SLC22A23: variants seen among roughly 807,000 people sequenced by gnomAD.
SLC22A23 encodes solute carrier family 22 member 23.
A neutral mutation model predicts 61.0 loss-of-function variants in SLC22A23; 26 were observed. That is an observed-to-expected ratio of 0.43 (90% confidence interval 0.31 to 0.59). The LOEUF (loss-of-function observed/expected upper bound fraction) is 0.59, where lower values mean the gene tolerates loss of function less well. SLC22A23 is among the 20% of genes least tolerant of loss of function. The probability of loss-of-function intolerance (pLI) is 0.11; values close to 1 mark genes in which losing one functional copy is unlikely to be tolerated. For missense variants in SLC22A23, 796 were observed against 934.7 expected (o/e 0.85, Z 1.94); for synonymous variants, 430 against 413.9 (o/e 1.04, Z -0.47).
At chr6:3,290,241 G>C (rs1760455928) in intron 5 of SLC22A23, 4 of 317,542 alleles carry the variant, frequency 1.3e-5, no homozygotes, top group South Asian at 1.1e-4. Flanking sequence ...GCACTCATTA[G>C]GCCCTGGGCA....
At chr6:3,320,931 A>G (rs1296616693) in intron 4 of SLC22A23, among the ~76,000 whole-genome samples, 1 of 152,222 alleles carries the variant, frequency 6.6e-6, no homozygotes, top group East Asian at 1.9e-4. Context: ...TATGATTATC[A>G]TGGCAGTTAA....
rs781526188 is a variant in SLC22A23 at position 3,280,512 on chromosome 6, T to TTTTTTTTTTTTTTTTC, written c.1703+3339_1703+3340insGAAAAAAAAAAAAAAA. Among the ~76,000 whole-genome samples, 17 of 98,324 alleles carry TTTTTTTTTTTTTTTTC rather than the reference T, an allele frequency of 1.7e-4. 1 individual carries two copies. The highest frequency in any genetic ancestry group is 6.1e-4 in the African/African-American group (17 of 28,090). The allele number at this position is 98,324 out of a possible 152,430, so 64.5% of individuals were successfully genotyped here. On this transcript the variant is annotated intron_variant, in intron 9 of 9. Transcript: ENST00000406686. Reference sequence around the variant, plus strand: ...CAACTTTTTTTTTTTTTTTTTTTTTTTGAGATGGAGTCTCGCTCTGTCGCC... The same window carrying TTTTTTTTTTTTTTTTC: ...CAACTTTTTTTTTTTTTTTTTTTTTTTTTTTTTTTTTTTTTCTGAGATGGAGTCTCGCTCTGTCGCC...
Position 3,270,598 on chromosome 6 carries a change from TCA to T in SLC22A23, c.*2455_*2456del, listed in dbSNP as rs1180234327. On this transcript the variant is annotated 3_prime_UTR_variant, in exon 10 of 10. Transcript: ENST00000406686. ...CCTGCCGACCGTCGGCAAGTCAGCC[TCA>T]CACCCACTGGACTCTGCTCCCAAGA... 1 of 152,334 alleles carries T rather than the reference TCA, an allele frequency of 6.6e-6. No individual in the cohort carries two copies. The highest frequency in any genetic ancestry group is 1.5e-5 in the Non-Finnish European group (1 of 68,048). 9.4% of individuals were successfully genotyped at this position (152,334 alleles called of 1,614,324 possible).
chr6:3,353,577 T>C (rs764798548), intron 3 of SLC22A23, among the ~76,000 whole-genome samples: 22 of 152,170 alleles, frequency 1.4e-4, no homozygotes, highest in Admixed American at 2.0e-4. Flanking sequence ...ACAGTTCAGC[T>C]GCAAATCACA....
chr6:3,397,788 A>G (rs1342410503), intron 3 of SLC22A23, among the ~76,000 whole-genome samples: 3 of 152,186 alleles, frequency 2.0e-5, no homozygotes, highest in Non-Finnish European at 4.4e-5. Flanking sequence ...GGAGGTCTCA[A>G]GCCAAGATTC....
rs1371106293 is a variant in SLC22A23 at position 3,333,004 on chromosome 6, G to C, written c.914-9002C>G. Among the ~76,000 whole-genome samples the C allele has an allele frequency of 6.6e-6, 1 of 152,198 alleles. No individual in the cohort carries two copies. The highest frequency in any genetic ancestry group is 1.5e-5 in the Non-Finnish European group (1 of 68,038). ...GAGACCCAGGTTCAGGTTTTTGGAA[G>C]AGCGTATCGCAGCTGGTGCCTGTGC... On this transcript the variant is annotated intron_variant, in intron 3 of 9. Coordinates refer to ENST00000406686, the MANE Select transcript of SLC22A23 (RefSeq NM_015482.2). The surrounding 1 kb of genome is among the most constrained non-coding windows in gnomAD (Gnocchi z 4.1).
At chr6:3,279,644 AC>A (rs1759251793) in intron 9 of SLC22A23, among the ~76,000 whole-genome samples, 1 of 150,224 alleles carries the variant, frequency 6.7e-6, no homozygotes, top group African/African-American at 2.4e-5. Flanking sequence ...AGAGATTGTT[AC>A]ATCCTTGGTT....
intron 1 of SLC22A23, among the ~76,000 whole-genome samples, chr6:3,424,869 T>A (rs1770385273): frequency 6.6e-6 from 1 of 152,220 alleles, no homozygotes; most frequent in East Asian, 1.9e-4. Flanking sequence ...GTGGCCCTTT[T>A]TAGAAAAATT....
intron 3 of SLC22A23, among the ~76,000 whole-genome samples, chr6:3,370,367 G>A (rs1766132636): frequency 6.6e-6 from 1 of 152,288 alleles, no homozygotes; most frequent in Non-Finnish European, 1.5e-5. Context: ...GGGGGTGCAT[G>A]TGCCTTCCAA....
intron 3 of SLC22A23, among the ~76,000 whole-genome samples, chr6:3,406,794 C>T (rs146207452): frequency 1.3e-5 from 2 of 151,968 alleles, no homozygotes; most frequent in South Asian, 2.1e-4. Context: ...CTCCCTTTGG[C>T]GACTTGAGGG....
intron 1 of SLC22A23, among the ~76,000 whole-genome samples, chr6:3,451,242 G>A (rs1022075233): frequency 2.0e-5 from 3 of 152,222 alleles, no homozygotes; most frequent in Non-Finnish European, 4.4e-5. Flanking sequence ...CTGTCGCCCG[G>A]ACTGGAGTGC....
At chr6:3,439,254 G>A in intron 1 of SLC22A23, 2 of 417,806 alleles carry the variant, frequency 4.8e-6, no homozygotes, top group Non-Finnish European at 9.4e-6. Context: ...CGACAAAAAT[G>A]TCTCCAGACA....
At chr6:3,368,671 C>G (rs1486443478) in intron 3 of SLC22A23, among the ~76,000 whole-genome samples, 1 of 152,102 alleles carries the variant, frequency 6.6e-6, no homozygotes, top group Non-Finnish European at 1.5e-5. Flanking sequence ...AAGTTATGCA[C>G]ACACACACAC....
intron 9 of SLC22A23, among the ~76,000 whole-genome samples, chr6:3,281,569 G>T (rs1759476643): frequency 6.6e-6 from 1 of 152,118 alleles, no homozygotes; most frequent in Non-Finnish European, 1.5e-5. Context: ...GTGTCACAGG[G>T]AAAGGCTAGT....
At chr6:3,303,415 A>G (rs1317815407) in intron 4 of SLC22A23, 1 of 152,280 alleles carries the variant, frequency 6.6e-6, no homozygotes, top group African/African-American at 2.4e-5. Context: ...TTATTGCAGC[A>G]TTATTTGCAA....
chr6:3,301,225 C>T (rs924954460), intron 4 of SLC22A23, among the ~76,000 whole-genome samples: 68 of 152,132 alleles, frequency 4.5e-4, no homozygotes, highest in Middle Eastern at 6.8e-3. Context: ...CTTTCTGATG[C>T]GTTTGGGTTT....
chr6:3,397,016 C>A (rs971804933), intron 3 of SLC22A23, among the ~76,000 whole-genome samples: 22 of 152,166 alleles, frequency 1.4e-4, no homozygotes, highest in African/African-American at 7.2e-5. Context: ...TCACGCACGC[C>A]CACCGGGGCT....
At chr6:3,276,511 T>G (rs7756175) in intron 9 of SLC22A23, among the ~76,000 whole-genome samples, 99,074 of 152,130 alleles carry the variant, frequency 0.65, 38,509 homozygotes, top group Non-Finnish European at 0.86. Flanking sequence ...AGTCCTCCAA[T>G]GGCTCCCTCC....
In SLC22A23 at chr6:3,410,988, G is replaced by A. The variant is rs1041334105; in HGVS notation, c.759-646C>T. 6.6e-6 allele frequency among the ~76,000 whole-genome samples: 1 copy of A among 152,236 alleles called. No individual in the cohort carries two copies. The highest frequency in any genetic ancestry group is 1.5e-5 in the Non-Finnish European group (1 of 68,046). Reference sequence around the variant, plus strand: ...TGCAGCCCCTCGGCTGGACTGAGAGGCAGGGAGCCCAGGCTGTGATGATTC... The same window carrying A: ...TGCAGCCCCTCGGCTGGACTGAGAGACAGGGAGCCCAGGCTGTGATGATTC... On this transcript the variant is annotated intron_variant, in intron 2 of 9. Transcript: ENST00000406686. The surrounding 1 kb of genome is among the most constrained non-coding windows in gnomAD (Gnocchi z 5.0).
Sources: allele counts gnomAD v4.1 joint callset (sites outside exome capture counted in the v4.1 genomes callset), GRCh38; gene constraint gnomAD v4.1.1; non-coding constraint Gnocchi (gnomAD v3.1); transcripts MANE v1.5; gene names NCBI Gene and HGNC (gene_info 2026-07-23, HGNC 2026-07-21).